LRP6: variants seen among roughly 807,000 people sequenced by gnomAD.
LRP6 encodes LDL receptor related protein 6, also known as low-density lipoprotein receptor-related protein 6.
A neutral mutation model predicts 184.1 loss-of-function variants in LRP6; 43 were observed. The ratio of observed to expected loss-of-function variants is 0.23; its 90% CI spans 0.18 to 0.30. The LOEUF is 0.30. Among genes scored for constraint, LRP6 ranks in the 10% least tolerant of loss-of-function variants. The pLI is 1.00. For synonymous variants in LRP6, 719 were observed against 684.9 expected, an observed-to-expected ratio of 1.05 and a Z score of -0.78; for missense variants, 1,571 against 2,005.3, an observed-to-expected ratio of 0.78 and a Z score of 4.14.
At chr12:12,233,174 GA>G (rs947551515) in intron 2 of LRP6, among the ~76,000 whole-genome samples, 3 of 151,502 alleles carry the variant, frequency 2.0e-5, no homozygotes, top group African/African-American at 7.3e-5. Flanking sequence ...TAATTTGTTA[GA>G]AAAAAAAATT....
At chr12:12,214,035 A>AT (rs1864279106) in intron 2 of LRP6, among the ~76,000 whole-genome samples, 2 of 152,126 alleles carry the variant, frequency 1.3e-5, no homozygotes, top group South Asian at 4.2e-4. Flanking sequence ...CTTCATATTT[A>AT]TCATCTTCTC....
At chr12:12,191,929 C>T (rs1293844159) in intron 3 of LRP6, among the ~76,000 whole-genome samples, 2 of 151,842 alleles carry the variant, frequency 1.3e-5, no homozygotes, top group African/African-American at 2.4e-5. Context: ...CAGAACTATA[C>T]TGGAACAAGG....
intron 1 of LRP6, among the ~76,000 whole-genome samples, chr12:12,252,464 T>A (rs1203816011): frequency 6.6e-6 from 1 of 152,202 alleles, no homozygotes; most frequent in African/African-American, 2.4e-5. Context: ...CTCCCTAAGT[T>A]TAAGTTAAAT....
intron 3 of LRP6, among the ~76,000 whole-genome samples, chr12:12,190,550 A>G (rs1863587250): frequency 6.6e-6 from 1 of 152,196 alleles, no homozygotes; most frequent in South Asian, 2.1e-4. Flanking sequence ...ACCTCTTGCT[A>G]GCTCTTTGAG....
intron 1 of LRP6, among the ~76,000 whole-genome samples, chr12:12,265,350 T>C (rs934098842): frequency 1.3e-5 from 2 of 152,172 alleles, no homozygotes; most frequent in African/African-American, 4.8e-5. Flanking sequence ...TCAAGTAATA[T>C]AACATGCAAA....
intron 5 of LRP6, 90 bp downstream of exon 5, chr12:12,183,890 G>A: frequency 8.3e-7 from 1 of 1,202,140 alleles, no homozygotes; most frequent in Middle Eastern, 2.6e-4. Context: ...TCCCAAAGCA[G>A]TATAACCTAG....
chr12:12,130,413 T>C (rs2136860054), intron 19 of LRP6, among the ~76,000 whole-genome samples: 1 of 152,238 alleles, frequency 6.6e-6, no homozygotes, highest in South Asian at 2.1e-4. Flanking sequence ...CTCGAACTCC[T>C]GACCTCAAGT....
chr12:12,238,341 G>A (rs1189208900), intron 2 of LRP6, among the ~76,000 whole-genome samples: 2 of 151,396 alleles, frequency 1.3e-5, no homozygotes, highest in African/African-American at 2.4e-5. Flanking sequence ...GAGTTCCAAA[G>A]GAGACTAAGG....
chr12:12,249,119 A>T, intron 1 of LRP6: 1 of 704,784 alleles, frequency 1.4e-6, no homozygotes, highest in Admixed American at 2.0e-5. Context: ...AAGACGTGAC[A>T]CTTACAAGAC....
At chr12:12,256,265 A>G (rs1195777476) in intron 1 of LRP6, among the ~76,000 whole-genome samples, 2 of 152,214 alleles carry the variant, frequency 1.3e-5, no homozygotes, top group Non-Finnish European at 2.9e-5. Context: ...CAGGAACTTA[A>G]AATATTTTTT....
chr12:12,266,445 G>A (rs576509009), intron 1 of LRP6, among the ~76,000 whole-genome samples: 2 of 152,254 alleles, frequency 1.3e-5, no homozygotes, highest in East Asian at 3.9e-4. Flanking sequence ...AGCCGGGATC[G>A]AAGCTCCGAT....
intron 1 of LRP6, among the ~76,000 whole-genome samples, chr12:12,260,835 A>G (rs1323444170): frequency 6.6e-6 from 1 of 152,214 alleles, no homozygotes; most frequent in Non-Finnish European, 1.5e-5. Flanking sequence ...CTTCCATATA[A>G]TCTTCTCTAA....
chr12:12,133,318 G>A (rs774048146), intron 17 of LRP6, among the ~76,000 whole-genome samples: 5 of 152,200 alleles, frequency 3.3e-5, no homozygotes, highest in African/African-American at 4.8e-5. Flanking sequence ...GGTGGGAAGT[G>A]TTTGGATCAT....
intron 3 of LRP6, among the ~76,000 whole-genome samples, chr12:12,201,297 G>A (rs1417843209): frequency 2.6e-5 from 4 of 152,148 alleles, no homozygotes; most frequent in African/African-American, 9.7e-5. Context: ...TGAGCACTCT[G>A]GCAGGTTCAT....
At chr12:12,176,092 T>C (rs1428802878) in intron 7 of LRP6, among the ~76,000 whole-genome samples, 2 of 151,640 alleles carry the variant, frequency 1.3e-5, no homozygotes, top group Non-Finnish European at 1.5e-5. Context: ...TCATATAAAA[T>C]AGAAATAAAG....
At position 12,116,964 on chromosome 12, in the gene LRP6, T is replaced by A. The variant is rs558085505; in HGVS notation, c.*4162A>T. On this transcript the variant is annotated 3_prime_UTR_variant, in exon 23 of 23. Transcript: ENST00000261349. Reference sequence around the variant, plus strand: ...TTCACAATACTTATAATTTAAATTTTAAAAAAATTATAAACGTATAATTTT... The same window carrying A: ...TTCACAATACTTATAATTTAAATTTAAAAAAAATTATAAACGTATAATTTT... 32 of 152,240 alleles carry A rather than the reference T, an allele frequency of 2.1e-4. No individual in the cohort carries two copies. The highest frequency in any genetic ancestry group is 5.8e-4 in the East Asian group (3 of 5,190). 9.4% of individuals were successfully genotyped at this position (152,240 alleles called of 1,614,324 possible). A position where few individuals can be genotyped will look rare whatever the true frequency, so the allele number is the denominator to read the frequency against.
intron 13 of LRP6, 95 bp downstream of exon 13, chr12:12,150,741 C>A: frequency 7.6e-7 from 1 of 1,310,606 alleles, no homozygotes; most frequent in South Asian, 1.2e-5. Flanking sequence ...CATACACACA[C>A]ACTTAAGCAG....
chr12:12,152,320 C>T (rs1950093141), intron 12 of LRP6, among the ~76,000 whole-genome samples: 1 of 152,140 alleles, frequency 6.6e-6, no homozygotes, highest in African/African-American at 2.4e-5. Flanking sequence ...TCTTTATCAA[C>T]CGCATGAAAA....
chr12:12,175,943 T>C (rs180727972), intron 7 of LRP6, among the ~76,000 whole-genome samples: 2 of 151,992 alleles, frequency 1.3e-5, no homozygotes, highest in East Asian at 1.9e-4. Flanking sequence ...ACCTATAAAT[T>C]ATCAACGATA....
Sources: gnomAD v4.1 joint callset for allele counts (sites outside exome capture counted in the v4.1 genomes callset) on GRCh38, gnomAD v4.1.1 for gene constraint, MANE v1.5 for transcripts, NCBI Gene and HGNC (gene_info 2026-07-23, HGNC 2026-07-21) for gene names.